Variants in SNX31 observed in about 807,000 individuals in gnomAD.
The protein encoded by SNX31 is sorting nexin 31, also known as sorting nexin-31.
In SNX31, 58 loss-of-function variants were observed where a neutral mutation model predicts 65.4. The ratio of observed to expected loss-of-function variants is 0.89; its 90% CI spans 0.72 to 1.10. The LOEUF (loss-of-function observed/expected upper bound fraction) is 1.10. SNX31 is among the 50% of genes least tolerant of loss of function. The pLI, the probability that SNX31 is intolerant of heterozygous loss-of-function variation, is 0.00. For synonymous variants in SNX31, 181 were observed against 190.1 expected, an observed-to-expected ratio of 0.95 and a Z score of 0.39; for missense variants, 523 against 529.7, an observed-to-expected ratio of 0.99 and a Z score of 0.12.
chr8:100,646,071 AGAC>A (rs1435217527), intron 2 of SNX31, among the ~76,000 whole-genome samples: 3 of 152,178 alleles, frequency 2.0e-5, no homozygotes, highest in Non-Finnish European at 2.9e-5. Flanking sequence ...GAGAGCAAAA[AGAC>A]TATCGGGGCC....
intron 8 of SNX31, among the ~76,000 whole-genome samples, chr8:100,603,283 C>G (rs1038579467): frequency 6.6e-6 from 1 of 152,052 alleles, no homozygotes; most frequent in Non-Finnish European, 1.5e-5. Flanking sequence ...GGAACAATAT[C>G]GAAAAGAAGG....
intron 11 of SNX31, 92 bp from the exon 12 acceptor site, chr8:100,584,280 G>T: frequency 2.2e-6 from 2 of 919,774 alleles, no homozygotes; most frequent in Non-Finnish European, 3.2e-6. Context: ...TTTTGACTCT[G>T]CCCTCCAATA....
At chr8:100,644,172 G>A (rs1163420109) in intron 2 of SNX31, among the ~76,000 whole-genome samples, 2 of 152,274 alleles carry the variant, frequency 1.3e-5, no homozygotes, top group South Asian at 2.1e-4. Flanking sequence ...ACTTGGCAGG[G>A]AGGACAACTG....
chr8:100,623,366 TC>T (rs1420897515), intron 4 of SNX31, among the ~76,000 whole-genome samples: 2 of 152,148 alleles, frequency 1.3e-5, no homozygotes, highest in Non-Finnish European at 2.9e-5. Flanking sequence ...AGGCTCCACC[TC>T]CAACACTGGG....
intron 12 of SNX31, among the ~76,000 whole-genome samples, chr8:100,580,579 T>G (rs1450832973): frequency 3.3e-5 from 5 of 152,236 alleles, no homozygotes; most frequent in African/African-American, 1.2e-4. Context: ...AGAAAAGAAG[T>G]GAACCCTGCT....
intron 2 of SNX31, among the ~76,000 whole-genome samples, chr8:100,643,230 C>T (rs187521898): frequency 1.7e-4 from 26 of 152,030 alleles, no homozygotes; most frequent in African/African-American, 5.1e-4. Context: ...CAAAAAAATC[C>T]CAGAACAATC....
chr8:100,630,236 C>G lies in SNX31; in HGVS notation c.321+91G>C. 8.8e-7 allele frequency: 1 copy of G among 1,138,734 alleles called. No individual in the cohort carries two copies. Among genetic ancestry groups the G allele is most frequent in the South Asian group, 1.4e-5 (1 of 71,048 alleles). 70.5% of individuals were successfully genotyped at this position (1,138,734 alleles called of 1,614,324 possible). ...AGTCCAGGCTCTGTGGGGCTGTGAC[C>G]AGTGCACACATGTGTGTGTACCTGC... On this transcript the variant is annotated intron_variant, in intron 4 of 13. Transcript: ENST00000311812. The surrounding 1 kb of genome is among the most constrained non-coding windows in gnomAD (Gnocchi z 5.3).
At position 100,588,818 on chromosome 8, in the gene SNX31, A is replaced by G; in HGVS notation, c.1092+48T>C. On this transcript the variant is annotated intron_variant, in intron 11 of 13. Transcript: ENST00000311812. This position sits in a 1 kb window ranked among gnomAD's most constrained non-coding sequence, Gnocchi z 4.8. ...TGCTTCATCCACCCCAGCAAGCAAG[A>G]CAGCATTTCAGCACAGAGGGTGTTC... is the stretch of plus-strand genomic sequence containing the variant. 1 of 1,407,002 alleles carries G rather than the reference A, an allele frequency of 7.1e-7. No homozygotes were observed. Among genetic ancestry groups the G allele is most frequent in the Non-Finnish European group, 1.0e-6 (1 of 995,024 alleles). The allele number at this position is 1,407,002 out of a possible 1,614,324, so 87.2% of individuals were successfully genotyped here.
chr8:100,608,392 G>T, intron 8 of SNX31, 102 bp downstream of exon 8: 1 of 996,222 alleles, frequency 1.0e-6, no homozygotes, highest in Non-Finnish European at 1.6e-6. Flanking sequence ...CCTGTTTTAG[G>T]TGTGGAGGTA....
intron 1 of SNX31, among the ~76,000 whole-genome samples, chr8:100,655,415 A>T (rs774836965): frequency 1.3e-5 from 2 of 152,120 alleles, no homozygotes; most frequent in Non-Finnish European, 2.9e-5. Flanking sequence ...GTTGTGGGAG[A>T]GACCCTGTGG....
intron 4 of SNX31, among the ~76,000 whole-genome samples, chr8:100,628,212 T>C (rs111968240): frequency 0.16 from 23,608 of 152,016 alleles, 2,057 homozygotes; most frequent in South Asian, 0.24. Flanking sequence ...ACTAGAAATA[T>C]CATTTGACCC....
At chr8:100,624,001 G>C (rs141854363) in intron 4 of SNX31, among the ~76,000 whole-genome samples, 377 of 152,050 alleles carry the variant, frequency 2.5e-3, no homozygotes, top group South Asian at 0.018. Flanking sequence ...ACTCCAGTTG[G>C]GGGGGAGGTG....
Position 100,625,037 on chromosome 8 carries a change from C to T in SNX31, c.321+5290G>A, listed in dbSNP as rs1817955549. ...TGTTGCCCAGGCTGGTCTTCAACTC[C>T]TGGCCTCAAGTAATTCTCCCACCTC... On this transcript the variant is annotated intron_variant, in intron 4 of 13. Transcript: ENST00000311812. The surrounding 1 kb of genome is among the most constrained non-coding windows in gnomAD (Gnocchi z 4.2). 6.6e-6 allele frequency among the ~76,000 whole-genome samples: 1 copy of T among 152,134 alleles called. No homozygotes were observed. Among genetic ancestry groups the T allele is most frequent in the Admixed American group, 6.6e-5 (1 of 15,266 alleles).
At chr8:100,640,792 C>A (rs1819116351) in intron 2 of SNX31, among the ~76,000 whole-genome samples, 1 of 151,852 alleles carries the variant, frequency 6.6e-6, no homozygotes, top group African/African-American at 2.4e-5. Flanking sequence ...TTATCAAGGT[C>A]ATTAAACATA....
chr8:100,639,066 A>G (rs12675022), intron 2 of SNX31, among the ~76,000 whole-genome samples: 72,062 of 151,522 alleles, frequency 0.48, 17,341 homozygotes, highest in African/African-American at 0.54. Flanking sequence ...GTACAGAATA[A>G]CTGAAACACA....
chr8:100,600,710 T>C (rs958358028), intron 8 of SNX31, among the ~76,000 whole-genome samples: 1 of 152,124 alleles, frequency 6.6e-6, no homozygotes, highest in East Asian at 1.9e-4. Flanking sequence ...AAGATTTAAA[T>C]GTATAAGACC....
intron 5 of SNX31, among the ~76,000 whole-genome samples, chr8:100,616,963 C>T (rs73699430): frequency 0.033 from 5,042 of 152,214 alleles, 179 homozygotes; most frequent in African/African-American, 0.084. Context: ...AGGAAAAGGG[C>T]CTGGGAGCTT....
At position 100,626,512 on chromosome 8, in the gene SNX31, G is replaced by A. The variant is rs191359514; in HGVS notation, c.321+3815C>T. On this transcript the variant is annotated intron_variant, in intron 4 of 13. Transcript: ENST00000311812. This position sits in a 1 kb window ranked among gnomAD's most constrained non-coding sequence, Gnocchi z 4.4. ...GCTAGACAGTCTGATTAGGCCTTAGGGTAGCATGTTCATAAGAAAGTGCTC... is the reference window on the plus strand; with the variant it reads ...GCTAGACAGTCTGATTAGGCCTTAGAGTAGCATGTTCATAAGAAAGTGCTC... Among the ~76,000 whole-genome samples the A allele has an allele frequency of 6.6e-6, 1 of 152,232 alleles. No homozygotes were observed. The highest frequency in any genetic ancestry group is 1.9e-4 in the East Asian group (1 of 5,176).
At chr8:100,581,104 T>C (rs1034593354) in intron 12 of SNX31, among the ~76,000 whole-genome samples, 4 of 138,070 alleles carry the variant, frequency 2.9e-5, no homozygotes, top group African/African-American at 1.1e-4. Context: ...AAGACCAGCC[T>C]GGAAAACACA....
Sources: gnomAD v4.1 joint callset for allele counts (sites outside exome capture counted in the v4.1 genomes callset) on GRCh38, gnomAD v4.1.1 for gene constraint, Gnocchi (gnomAD v3.1) non-coding constraint, MANE v1.5 for transcripts, NCBI Gene and HGNC (gene_info 2026-07-23, HGNC 2026-07-21) for gene names.